The following MYH14 variants were observed in gnomAD, a reference collection of about 807,000 sequenced individuals.
The protein encoded by MYH14 is myosin heavy chain 14, also known as myosin-14.
Under a neutral mutation model 255.5 loss-of-function variants are expected in MYH14, and 123 were observed. The ratio of observed to expected loss-of-function variants is 0.48; its 90% CI spans 0.42 to 0.56. MYH14 has a LOEUF of 0.56. Ranked by LOEUF, MYH14 falls within the 20% of genes least tolerant of loss-of-function variation. The probability of loss-of-function intolerance (pLI) is 0.00; values close to 1 mark genes in which losing one functional copy is unlikely to be tolerated. For synonymous variants in MYH14, 1,095 were observed against 1,161.2 expected (o/e 0.94, Z 1.16); for missense variants, 2,423 against 2,802.3 (o/e 0.86, Z 3.06).
intron 5 of MYH14, 169 bp downstream of exon 5, chr19:50,223,518 G>T: frequency 1.5e-6 from 1 of 649,344 alleles, no homozygotes; most frequent in Non-Finnish European, 2.8e-6. Context: ...GCAGAGTCAG[G>T]GGGACACAGA....
chr19:50,240,219 T>C (rs921005539), intron 10 of MYH14, among the ~76,000 whole-genome samples: 11 of 152,342 alleles, frequency 7.2e-5, no homozygotes, highest in African/African-American at 2.6e-4. Context: ...TAAACGTTCC[T>C]GGAGCTGGAT....
At position 50,292,266 on chromosome 19, in the gene MYH14, G is replaced by C. The variant is rs202119742; in HGVS notation, c.5133G>C (p.Gln1711His). ...AVKQLRKMQA[Q>H]MKELWREVEE... ...ACCTATTCCGTTCCACCCAGGCCCA[G>C]ATGAAGGAGCTATGGCGGGAGGTGG... Residue 1711 changes from glutamine to histidine, a missense_variant, in exon 37 of 43, where the codon CAG becomes CAC. Physicochemically the swap from Gln to His is conservative, Grantham distance 24. Coordinates refer to ENST00000642316, the MANE Select transcript of MYH14 (RefSeq NM_001145809.2). 11 of 1,605,182 alleles carry C rather than the reference G, an allele frequency of 6.9e-6. No individual in the cohort carries two copies. The highest frequency in any genetic ancestry group is 1.3e-5 in the African/African-American group (1 of 74,766).
chr19:50,219,866 T>C (rs1255967246), intron 3 of MYH14, among the ~76,000 whole-genome samples: 2 of 152,200 alleles, frequency 1.3e-5, no homozygotes, highest in African/African-American at 2.4e-5. Context: ...TTTTTGTTTA[T>C]ATCTATTAAA....
intron 16 of MYH14, 32 bp from the exon 17 acceptor site, chr19:50,255,188 C>A: frequency 7.0e-7 from 1 of 1,419,196 alleles, no homozygotes; most frequent in Non-Finnish European, 9.7e-7. Flanking sequence ...ATCTCCCCTC[C>A]ACCCACCCAC....
chr19:50,244,363 C>T lies in MYH14; in HGVS notation c.1210+26C>T, dbSNP rs374461203. On this transcript the variant is annotated intron_variant, in intron 11 of 42. Coordinates refer to ENST00000642316, the MANE Select transcript of MYH14 (RefSeq NM_001145809.2). ...GTACTGCCCCCGGCCTGCCTGCCCA[C>T]GACCTCCAGCCCCCGCCCAGGTGGT... is the stretch of plus-strand genomic sequence containing the variant. 105 of 1,600,148 alleles carry T rather than the reference C, an allele frequency of 6.6e-5. No individual in the cohort carries two copies. The East Asian group carries it at 1.2e-3, about 18-fold the overall frequency.
chr19:50,298,747 T>A (rs1340582304), intron 39 of MYH14, among the ~76,000 whole-genome samples: 10 of 139,670 alleles, frequency 7.2e-5, no homozygotes, highest in Non-Finnish European at 1.4e-4. Flanking sequence ...CGAGACTCCA[T>A]CTAAAAAAAA....
chr19:50,255,107 T>C, intron 16 of MYH14, 113 bp from the exon 17 acceptor site: 2 of 723,388 alleles, frequency 2.8e-6, no homozygotes, highest in Non-Finnish European at 4.9e-6. Context: ...AATAACCCTC[T>C]CCTCTTTTTC....
chr19:50,251,472 CATATATATAT>C (rs1264281854), intron 15 of MYH14, among the ~76,000 whole-genome samples: 1 of 140,664 alleles, frequency 7.1e-6, no homozygotes. Context: ...TATATATACA[CATATATATAT>C]ACACACATAT....
At chr19:50,295,805 A>G (rs995938525) in intron 39 of MYH14, among the ~76,000 whole-genome samples, 12 of 152,010 alleles carry the variant, frequency 7.9e-5, no homozygotes, top group African/African-American at 2.7e-4. Context: ...AAGAAAAGTG[A>G]TAAATTATGT....
chr19:50,217,569 G>A, intron 2 of MYH14, 46 bp from the exon 3 acceptor site: 1 of 1,613,656 alleles, frequency 6.2e-7, no homozygotes, highest in South Asian at 1.1e-5. Flanking sequence ...CGCCTTTCAG[G>A]CCGTGGGCAG....
Position 50,310,281 on chromosome 19 carries a change from T to G in MYH14, c.*491T>G, listed in dbSNP as rs929902352. 5 of 192,710 alleles carry G rather than the reference T, an allele frequency of 2.6e-5. No homozygotes were observed. Among genetic ancestry groups the G allele is most frequent in the Non-Finnish European group, 4.2e-5 (4 of 94,998 alleles). The allele number at this position is 192,710 out of a possible 1,614,324, so 11.9% of individuals were successfully genotyped here. A position where few individuals can be genotyped will look rare whatever the true frequency, so the allele number is the denominator to read the frequency against. ...ATCTTTTTAGGAATCTCGCTCTCAC[T>G]CTCTACGTAGCCACTCTCCTTCCCC... On this transcript the variant is annotated 3_prime_UTR_variant, in exon 43 of 43. Transcript: ENST00000642316.
chr19:50,299,953 C>A (rs528573373), intron 39 of MYH14, among the ~76,000 whole-genome samples: 85 of 152,056 alleles, frequency 5.6e-4, no homozygotes, highest in Middle Eastern at 3.4e-3. Context: ...TCAAAACAAA[C>A]AAAAACAAAC....
At chr19:50,268,405 A>C (rs1246228252) in intron 24 of MYH14, 38 bp downstream of exon 24, 2 of 1,541,282 alleles carry the variant, frequency 1.3e-6, no homozygotes, top group East Asian at 4.9e-5. Context: ...CACCCTCCAG[A>C]CCCCTCTGTC....
chr19:50,226,198 G>T (rs1375226575), intron 7 of MYH14, among the ~76,000 whole-genome samples: 3 of 22,968 alleles, frequency 1.3e-4, no homozygotes, highest in Non-Finnish European at 2.4e-4. Context: ...GAGGGGCTGG[G>T]GGCCTGAACC....
chr19:50,281,928 C>A, intron 33 of MYH14, 86 bp downstream of exon 33: 2 of 1,433,784 alleles, frequency 1.4e-6, no homozygotes, highest in Non-Finnish European at 1.9e-6. Flanking sequence ...GTAATCCGTG[C>A]TGTCACGGCT....
At chr19:50,225,159 C>T (rs2033030206) in intron 6 of MYH14, among the ~76,000 whole-genome samples, 1 of 152,176 alleles carries the variant, frequency 6.6e-6, no homozygotes, top group Non-Finnish European at 1.5e-5. Context: ...TTCCTCCCCT[C>T]AGTCCCCTTC....
intron 39 of MYH14, among the ~76,000 whole-genome samples, chr19:50,300,692 T>A (rs950583808): frequency 2.6e-5 from 4 of 152,184 alleles, no homozygotes; most frequent in African/African-American, 9.7e-5. Context: ...GAGGTTGCAG[T>A]GAGCTGAGAT....
At chr19:50,210,197 A>G (rs1270384929) in intron 1 of MYH14, among the ~76,000 whole-genome samples, 166 bp from the exon 2 acceptor site, 1 of 151,438 alleles carries the variant, frequency 6.6e-6, no homozygotes, top group Non-Finnish European at 1.5e-5. Flanking sequence ...AGAGAGGTGA[A>G]TGAATGAAAT....
At chr19:50,256,683 G>C (rs2034603550) in intron 17 of MYH14, among the ~76,000 whole-genome samples, 2 of 152,194 alleles carry the variant, frequency 1.3e-5, no homozygotes, top group Admixed American at 1.3e-4. Context: ...CAAGAAAATA[G>C]AACCTCTATG....
Sources: gnomAD v4.1 joint callset for allele counts (sites outside exome capture counted in the v4.1 genomes callset) on GRCh38, gnomAD v4.1.1 for gene constraint, MANE v1.5 for transcripts, NCBI Gene and HGNC (gene_info 2026-07-23, HGNC 2026-07-21) for gene names.